Variants in USP3 observed in about 807,000 individuals in gnomAD.
USP3 encodes ubiquitin carboxyl-terminal hydrolase 3.
In USP3, 20 loss-of-function variants were observed where a neutral mutation model predicts 72.3. The ratio of observed to expected loss-of-function variants is 0.28; its 90% CI spans 0.19 to 0.40. USP3 has a LOEUF of 0.40. Among genes scored for constraint, USP3 ranks in the 10% least tolerant of loss-of-function variants. USP3 has a pLI of 1.00. For missense variants in USP3, 479 were observed against 633.9 expected, an observed-to-expected ratio of 0.76 and a Z score of 2.62; for synonymous variants, 222 against 225.3, an observed-to-expected ratio of 0.99 and a Z score of 0.13.
intron 3 of USP3, chr15:63,551,792 G>C (rs1295980626): frequency 2.6e-5 from 4 of 152,126 alleles, no homozygotes; most frequent in African/African-American, 9.7e-5. Flanking sequence ...AGTTGCAGTA[G>C]CCACATTTGC....
chr15:63,525,505 C>G (rs1190723768), intron 1 of USP3, among the ~76,000 whole-genome samples: 1 of 152,188 alleles, frequency 6.6e-6, no homozygotes, highest in Non-Finnish European at 1.5e-5. Flanking sequence ...TGCCTGGGCA[C>G]CTTGGCAGTT....
chr15:63,509,866 C>G (rs1048018860), intron 1 of USP3, among the ~76,000 whole-genome samples: 33 of 152,086 alleles, frequency 2.2e-4, no homozygotes, highest in African/African-American at 7.2e-4. Flanking sequence ...CTAACATTTA[C>G]TTGTTGTGAA....
chr15:63,583,513 T>C (rs1419887667), intron 11 of USP3, among the ~76,000 whole-genome samples: 1 of 152,186 alleles, frequency 6.6e-6, no homozygotes, highest in African/African-American at 2.4e-5. Context: ...AAATGTAACA[T>C]TTTAAGTGTC....
chr15:63,510,816 A>G (rs1368918824), intron 1 of USP3, among the ~76,000 whole-genome samples: 1 of 152,124 alleles, frequency 6.6e-6, no homozygotes, highest in Non-Finnish European at 1.5e-5. Flanking sequence ...ATGCTCTGAG[A>G]TTTCTGTGTA....
In USP3 at chr15:63,591,888, G is replaced by GAGTA. The variant is rs144135041; in HGVS notation, c.*1070_*1073dup. ...ATAGGACAAGTTGAAAATACTGTTG[G>GAGTA]AGTAAGTAAGTGGAGTTTTCGTTTT... On this transcript the variant is annotated 3_prime_UTR_variant, in exon 15 of 15. Transcript: ENST00000380324. The GAGTA allele has an allele frequency of 6.6e-6, 1 of 152,142 alleles. No homozygotes were observed. The highest frequency in any genetic ancestry group is 2.4e-5 in the African/African-American group (1 of 41,394). 9.4% of individuals were successfully genotyped at this position (152,142 alleles called of 1,614,324 possible).
intron 3 of USP3, among the ~76,000 whole-genome samples, chr15:63,547,801 GCAT>G (rs2066363552): frequency 1.1e-4 from 2 of 17,862 alleles, no homozygotes; most frequent in East Asian, 1.9e-3. Flanking sequence ...AGAGAGAGAG[GCAT>G]AGAGAGAGGC....
chr15:63,515,834 T>C (rs1242398916), intron 1 of USP3, among the ~76,000 whole-genome samples: 1 of 152,202 alleles, frequency 6.6e-6, no homozygotes, highest in Non-Finnish European at 1.5e-5. Flanking sequence ...AAATAGAATT[T>C]TAGTCTTCCT....
At chr15:63,560,188 G>A (rs990814285) in intron 7 of USP3, among the ~76,000 whole-genome samples, 3 of 152,150 alleles carry the variant, frequency 2.0e-5, no homozygotes, top group Non-Finnish European at 4.4e-5. Flanking sequence ...GGGATGCTGA[G>A]GCGGGTGGAT....
rs761371385 is a variant in USP3, at chr15:63,590,705, G to T, written c.1442G>T (p.Arg481Leu). The change falls in exon 15 of 15, where the codon CGC (arginine) becomes CTC (leucine). Residue 481 changes from arginine to leucine, a missense_variant. Transcript: ENST00000380324. ...HYTAYATHEGRWFHFNDSTVT... is the reference protein window; with the variant it reads ...HYTAYATHEGLWFHFNDSTVT... ...ACAGCATACGCAACTCACGAAGGCC[G>T]CTGGTTCCACTTCAATGACAGTACT... 1.9e-6 allele frequency: 3 copies of T among 1,613,350 alleles called. No homozygotes were observed. Among genetic ancestry groups the T allele is most frequent in the African/African-American group, 1.3e-5 (1 of 74,868 alleles).
chr15:63,570,427 C>T lies in USP3; in HGVS notation c.762-6C>T, dbSNP rs200846005. On this transcript the variant is annotated splice_polypyrimidine_tract_variant and splice_region_variant and intron_variant, in intron 8 of 14. Transcript: ENST00000380324. This position sits in a 1 kb window ranked among gnomAD's most constrained non-coding sequence, Gnocchi z 4.4. The stretch of plus-strand genomic sequence containing the variant: ...GGCCTTATAAGTGACTGTTTGTTTG[C>T]TTTAGGGGCTATCAACAGCAGGACG... 1.2e-4 allele frequency: 193 copies of T among 1,613,946 alleles called. No homozygotes were observed. Among genetic ancestry groups the T allele is most frequent in the Middle Eastern group, 1.0e-3 (6 of 6,002 alleles).
intron 3 of USP3, among the ~76,000 whole-genome samples, chr15:63,552,276 T>A (rs1239907287): frequency 6.6e-6 from 1 of 152,228 alleles, no homozygotes; most frequent in Admixed American, 6.5e-5. Flanking sequence ...CTTCAGTGAA[T>A]GCTTAAGGTT....
chr15:63,585,281 A>G (rs1373062865), intron 11 of USP3, among the ~76,000 whole-genome samples: 1 of 152,168 alleles, frequency 6.6e-6, no homozygotes, highest in East Asian at 1.9e-4. Context: ...TGGGATTTTG[A>G]GAAGAATTGC....
chr15:63,540,221 C>T (rs142247552), intron 3 of USP3, among the ~76,000 whole-genome samples: 3 of 152,232 alleles, frequency 2.0e-5, no homozygotes, highest in Non-Finnish European at 2.9e-5. Context: ...GCCAATAGTC[C>T]CTGCCCTGTC....
chr15:63,521,278 A>G (rs1360961645), intron 1 of USP3, among the ~76,000 whole-genome samples: 3 of 151,876 alleles, frequency 2.0e-5, no homozygotes, highest in South Asian at 4.2e-4. Context: ...CCCATCTCCT[A>G]TATGTGGGCA....
chr15:63,556,796 T>C (rs2066517277), intron 5 of USP3, 48 bp downstream of exon 5: 4 of 1,298,716 alleles, frequency 3.1e-6, no homozygotes, highest in Non-Finnish European at 3.2e-6. Flanking sequence ...TGAGATTTAA[T>C]CACTGTTTTG....
At chr15:63,578,029 C>T (rs1023995024) in intron 11 of USP3, among the ~76,000 whole-genome samples, 1 of 152,014 alleles carries the variant, frequency 6.6e-6, no homozygotes, top group Non-Finnish European at 1.5e-5. Flanking sequence ...AGTCCCAGCA[C>T]TTTGGGAGGC....
intron 1 of USP3, among the ~76,000 whole-genome samples, chr15:63,507,666 C>G (rs1351346772): frequency 2.0e-5 from 3 of 152,142 alleles, no homozygotes; most frequent in Non-Finnish European, 4.4e-5. Context: ...AATTATACTT[C>G]AGAATTAGCA....
chr15:63,508,805 A>G (rs1464126688), intron 1 of USP3, among the ~76,000 whole-genome samples: 4 of 152,194 alleles, frequency 2.6e-5, no homozygotes, highest in Admixed American at 1.3e-4. Context: ...AATTAGAGAT[A>G]TTTAGTAGGA....
At position 63,529,178 on chromosome 15, in the gene USP3, GT is replaced by G. The variant is rs11351032; in HGVS notation, c.92-3456del. ...ACCACACTTGGCAGGTAGTAAAGTG[GT>G]TTTTTTTTTTTTCTTTTTTTTGAGA... On this transcript the variant is annotated intron_variant, in intron 1 of 14. Coordinates refer to ENST00000380324, the MANE Select transcript of USP3 (RefSeq NM_006537.4). This position sits in a 1 kb window ranked among gnomAD's most constrained non-coding sequence, Gnocchi z 4.2. 0.022 allele frequency: 10,834 copies of G among 482,882 alleles called. 159 individuals carry two copies. Among genetic ancestry groups the G allele is most frequent in the African/African-American group, 0.093 (4,317 of 46,334 alleles). 29.9% of individuals were successfully genotyped at this position (482,882 alleles called of 1,614,324 possible).
Sources: gnomAD v4.1 joint callset for allele counts (sites outside exome capture counted in the v4.1 genomes callset) on GRCh38, gnomAD v4.1.1 for gene constraint, Gnocchi (gnomAD v3.1) non-coding constraint, MANE v1.5 for transcripts, NCBI Gene and HGNC (gene_info 2026-07-23, HGNC 2026-07-21) for gene names.